DDX27: variants seen among roughly 807,000 people sequenced by gnomAD.
The protein encoded by DDX27 is probable ATP-dependent RNA helicase DDX27.
Under a neutral mutation model 99.3 loss-of-function variants are expected in DDX27, and 42 were observed. That is an observed-to-expected ratio of 0.42 (90% CI 0.33 to 0.55). The LOEUF is 0.55. Ranked by LOEUF, DDX27 falls within the 20% of genes least tolerant of loss-of-function variation. The pLI is 0.07. For missense variants in DDX27, 798 were observed against 976.8 expected, an observed-to-expected ratio of 0.82 and a Z score of 2.44; for synonymous variants, 329 against 353.8, an observed-to-expected ratio of 0.93 and a Z score of 0.79.
intron 19 of DDX27, 60 bp downstream of exon 19, chr20:49,242,741 G>A: frequency 1.3e-6 from 1 of 767,336 alleles, no homozygotes; most frequent in Non-Finnish European, 1.9e-6. Context: ...TTTTTTTTTT[G>A]AGACGGAGTC....
rs1980296551 is a variant in DDX27 at position 49,236,085 on chromosome 20, A to G, written c.1428-65A>G. 2.0e-6 allele frequency: 3 copies of G among 1,477,208 alleles called. No individual in the cohort carries two copies. 91.5% of individuals were successfully genotyped at this position (1,477,208 alleles called of 1,614,324 possible). ...GCCCTGTTCTGTCCTCTGCTGGCTC[A>G]GGCTCTTGTGGAGCATTATTAGGGG... is the stretch of plus-strand genomic sequence containing the variant. On this transcript the variant is annotated intron_variant, in intron 12 of 20. Coordinates refer to ENST00000618172, the MANE Select transcript of DDX27 (RefSeq NM_017895.8). This position sits in a 1 kb window ranked among gnomAD's most constrained non-coding sequence, Gnocchi z 4.1.
At chr20:49,224,594 C>T (rs1859006593) in intron 4 of DDX27, among the ~76,000 whole-genome samples, 1 of 152,170 alleles carries the variant, frequency 6.6e-6, no homozygotes, top group African/African-American at 2.4e-5. Flanking sequence ...AACTCCTGAC[C>T]TCAGGTGATC....
In DDX27 at chr20:49,242,265, T is replaced by C. The variant is rs185127444; in HGVS notation, c.2116+59T>C. ...AAGGTTTTCCCTGAAACCTGTGCTT[T>C]GGGTCAGGGAGAAAATCTGAGGGAT... On this transcript the variant is annotated intron_variant, in intron 18 of 20. Coordinates refer to ENST00000618172, the MANE Select transcript of DDX27 (RefSeq NM_017895.8). 287 of 1,594,528 alleles carry C rather than the reference T, an allele frequency of 1.8e-4. 1 individual carries two copies. Among genetic ancestry groups the C allele is most frequent in the African/African-American group, 2.1e-4 (16 of 74,534 alleles).
At chr20:49,243,578 A>G (rs1280565818) in intron 19 of DDX27, 51 bp from the exon 20 acceptor site, 1 of 1,550,158 alleles carries the variant, frequency 6.5e-7, no homozygotes, top group Non-Finnish European at 8.9e-7. Context: ...GTGAGACAAC[A>G]CCCATTTGTT....
intron 4 of DDX27, among the ~76,000 whole-genome samples, chr20:49,224,391 TTAC>T (rs1248332075): frequency 6.8e-6 from 1 of 146,656 alleles, no homozygotes; most frequent in Non-Finnish European, 1.5e-5. Flanking sequence ...AGATGGAGTC[TTAC>T]TCTGTCACTC....
chr20:49,228,460 T>A (rs1203514994), intron 7 of DDX27, among the ~76,000 whole-genome samples: 1 of 147,718 alleles, frequency 6.8e-6, no homozygotes, highest in Non-Finnish European at 1.5e-5. Context: ...TTTAGTAGAA[T>A]TGGGGCTTCA....
rs1979551685 is a variant in DDX27 at position 49,219,529 on chromosome 20, C to T, written c.81C>T (p.Asp27=). Residue 27 remains aspartate (D), a synonymous_variant, in exon 1 of 21, where the codon GAC becomes GAT. Transcript: ENST00000618172. ...TGGAGCCCGAGTCTGACTCCGGGGA[C>T]GAGGAAGAGGAGGTATGAGCACGGT... The part of the protein sequence containing the change: ...VPVEPESDSG[D]EEEEGPIVLG... 4 of 1,613,438 alleles carry T rather than the reference C, an allele frequency of 2.5e-6. No individual in the cohort carries two copies. The highest frequency in any genetic ancestry group is 3.4e-6 in the Non-Finnish European group (4 of 1,179,752).
chr20:49,243,177 A>G (rs1980537830), intron 19 of DDX27, among the ~76,000 whole-genome samples: 1 of 152,168 alleles, frequency 6.6e-6, no homozygotes, highest in African/African-American at 2.4e-5. Context: ...CAAGGTGAGA[A>G]CAGGAGAGGG....
chr20:49,233,475 T>TG (rs1281327270), intron 10 of DDX27, 70 bp downstream of exon 10: 2 of 1,603,330 alleles, frequency 1.2e-6, no homozygotes, highest in Non-Finnish European at 1.7e-6. Flanking sequence ...GGACCCTGGC[T>TG]GGGCTTGAGG....
intron 1 of DDX27, 93 bp from the exon 2 acceptor site, chr20:49,221,359 A>T: frequency 6.7e-7 from 1 of 1,490,198 alleles, no homozygotes; most frequent in African/African-American, 1.4e-5. Context: ...AAGTGCTGGG[A>T]TTACAGGTGT....
At chr20:49,237,527 C>T (rs889598909) in intron 14 of DDX27, among the ~76,000 whole-genome samples, 11 of 152,076 alleles carry the variant, frequency 7.2e-5, no homozygotes, top group African/African-American at 2.7e-4. Context: ...TTGAGTCCTG[C>T]TGTGGGCCTA....
Position 49,243,654 on chromosome 20 carries a change from T to G in DDX27, c.2230T>G (p.Leu744Val), listed in dbSNP as rs752552625. ...AGPSFEERKQ[L>V]GLPHQRRGGN... ...CCCTTCCTTTGAAGAAAGGAAACAG[T>G]TGGGCTTGCCCCACCAGAGACGAGG... The change falls in exon 20 of 21, where the codon TTG (leucine) becomes GTG (valine). Residue 744 changes from leucine to valine, a missense_variant. By Grantham distance (32) the Leu-to-Val change is conservative. This residue lies in a region of DDX27 where 553 missense variants were observed against 727.9 expected (regional missense o/e 0.76). Coordinates refer to ENST00000618172, the MANE Select transcript of DDX27 (RefSeq NM_017895.8). 6.2e-7 allele frequency: 1 copy of G among 1,614,228 alleles called. No homozygotes were observed. Among genetic ancestry groups the G allele is most frequent in the South Asian group, 1.1e-5 (1 of 91,084 alleles).
chr20:49,232,924 C>CA (rs567304526), intron 9 of DDX27: 57,832 of 117,430 alleles, frequency 0.49, 13,266 homozygotes, highest in Middle Eastern at 0.62. Context: ...AACTCCATCT[C>CA]AAAAAAAAAA....
chr20:49,230,838 A>T (rs944088563), intron 9 of DDX27, among the ~76,000 whole-genome samples: 1 of 152,088 alleles, frequency 6.6e-6, no homozygotes, highest in Admixed American at 6.6e-5. Context: ...GAACAGAAGG[A>T]ACTCTTCCTG....
intron 9 of DDX27, among the ~76,000 whole-genome samples, chr20:49,230,773 C>A (rs1357765700): frequency 6.6e-6 from 1 of 152,180 alleles, no homozygotes; most frequent in Non-Finnish European, 1.5e-5. Flanking sequence ...CCCACCCCGC[C>A]CCCCAGCTCT....
In DDX27 at chr20:49,226,491, G is replaced by T. The variant is rs1483717687; in HGVS notation, c.662G>T (p.Gly221Val). 1.9e-6 allele frequency: 3 copies of T among 1,614,100 alleles called. No homozygotes were observed. In the East Asian group the frequency reaches 6.7e-5, roughly 36 times the overall value. ...ATCCAGAAGGCGTGCATACCTGTGGGTCTATTGGGGAAGGACATCTGTGCC... is the reference window on the plus strand; with the variant it reads ...ATCCAGAAGGCGTGCATACCTGTGGTTCTATTGGGGAAGGACATCTGTGCC... ...TPIQKACIPV[G>V]LLGKDICACA... The change falls in exon 7 of 21, where the codon GGT (glycine) becomes GTT (valine). Residue 221 changes from glycine (G) to valine (V), a missense_variant. Gly to Val is a moderately radical substitution (Grantham distance 109). Transcript: ENST00000618172.
Position 49,228,866 on chromosome 20 carries a change from C to T in DDX27, c.858C>T (p.Asn286=), listed in dbSNP as rs748166217. The T allele has an allele frequency of 1.9e-6, 3 of 1,601,174 alleles. No individual in the cohort carries two copies. In the South Asian group the frequency reaches 3.3e-5, roughly 18 times the overall value. Residue 286 remains asparagine (N), a synonymous_variant, in exon 8 of 21, where the codon AAC becomes AAT. Coordinates refer to ENST00000618172, the MANE Select transcript of DDX27 (RefSeq NM_017895.8). ...SVTRQLAQFC[N]ITTCLAVGGL... ...CCAGACAGCTGGCCCAGTTCTGCAA[C>T]ATCACCACCTGCCTGGCTGTGGGTG...
intron 19 of DDX27, 76 bp downstream of exon 19, chr20:49,242,757 C>G: frequency 7.4e-7 from 1 of 1,343,702 alleles, no homozygotes; most frequent in Non-Finnish European, 1.1e-6. Flanking sequence ...GAGTCTCGCT[C>G]TGTCGCCCAG....
At chr20:49,223,535 T>A in intron 4 of DDX27, 102 bp downstream of exon 4, 1 of 1,169,650 alleles carries the variant, frequency 8.5e-7, no homozygotes, top group Non-Finnish European at 1.2e-6. Flanking sequence ...AGTTTATCTT[T>A]AAGCTGTTCT....
Sources: gnomAD v4.1 joint callset for allele counts (sites outside exome capture counted in the v4.1 genomes callset) on GRCh38, gnomAD v4.1.1 for gene constraint, gnomAD v4.1.1 regional missense constraint, Gnocchi (gnomAD v3.1) non-coding constraint, MANE v1.5 for transcripts, NCBI Gene and HGNC (gene_info 2026-07-23, HGNC 2026-07-21) for gene names.